RGS6: variants seen among roughly 807,000 people sequenced by gnomAD.
RGS6 encodes regulator of G protein signaling 6, also known as regulator of G-protein signaling 6.
RGS6 carries 30 observed loss-of-function variants against 78.5 expected under a neutral mutation model. The ratio of observed to expected loss-of-function variants is 0.38; its 90% CI spans 0.29 to 0.52. The LOEUF is 0.52. RGS6 is among the 20% of genes least tolerant of loss of function. The probability of loss-of-function intolerance (pLI) is 0.85; values close to 1 mark genes in which losing one functional copy is unlikely to be tolerated. For synonymous variants in RGS6, 206 were observed against 206.0 expected (o/e 1.00, Z 0.00); for missense variants, 495 against 609.7 (o/e 0.81, Z 1.98).
chr14:72,358,851 T>C (rs1211913791), intron 3 of RGS6, among the ~76,000 whole-genome samples: 1 of 152,140 alleles, frequency 6.6e-6, no homozygotes, highest in Non-Finnish European at 1.5e-5. Context: ...GGGGCTGGGG[T>C]AGAATGATAT....
chr14:72,593,438 T>C, the RGS6 span, among the ~76,000 whole-genome samples: 1 of 152,132 alleles, frequency 6.6e-6, no homozygotes, highest in Non-Finnish European at 1.5e-5. Flanking sequence ...CAGGCTGGAG[T>C]ACAGCAGTGC....
chr14:72,177,249 G>A (rs1173147460), intron 2 of RGS6, among the ~76,000 whole-genome samples: 4 of 152,028 alleles, frequency 2.6e-5, no homozygotes, highest in African/African-American at 4.8e-5. Flanking sequence ...GATAAGATTC[G>A]AATTATAGGT....
chr14:72,208,750 CATA>C (rs1432576904), intron 2 of RGS6, among the ~76,000 whole-genome samples: 2 of 152,108 alleles, frequency 1.3e-5, no homozygotes, highest in East Asian at 3.9e-4. Context: ...ATCAGCAAGG[CATA>C]ATAGGATGGG....
At chr14:71,920,570 T>C in the RGS6 span, among the ~76,000 whole-genome samples, 2 of 152,302 alleles carry the variant, frequency 1.3e-5, no homozygotes, top group African/African-American at 4.8e-5. Context: ...AAAAAACACT[T>C]AGAGTTAATT....
chr14:72,089,738 A>T (rs150688134), intron 2 of RGS6, among the ~76,000 whole-genome samples: 320 of 152,386 alleles, frequency 2.1e-3, no homozygotes, highest in African/African-American at 7.4e-3. Flanking sequence ...CATGGCATAA[A>T]GCAGAATGAA....
chr14:72,530,612 AC>A (rs1215090244), intron 15 of RGS6, among the ~76,000 whole-genome samples: 6 of 151,974 alleles, frequency 3.9e-5, no homozygotes, highest in African/African-American at 7.3e-5. Context: ...GATTGCTTGA[AC>A]CCGTGAGGTG....
intron 3 of RGS6, among the ~76,000 whole-genome samples, chr14:72,408,452 A>T (rs1234373507): frequency 6.6e-6 from 1 of 152,202 alleles, no homozygotes; most frequent in Non-Finnish European, 1.5e-5. Context: ...TAGGTAACCA[A>T]GACTTCATCT....
chr14:72,338,273 C>G (rs954466866), intron 2 of RGS6, among the ~76,000 whole-genome samples: 1 of 152,178 alleles, frequency 6.6e-6, no homozygotes, highest in Non-Finnish European at 1.5e-5. Flanking sequence ...ACTCACGGTT[C>G]CACGTGGTTG....
At chr14:72,508,044 C>A (rs1047289654) in intron 13 of RGS6, among the ~76,000 whole-genome samples, 1 of 152,188 alleles carries the variant, frequency 6.6e-6, no homozygotes, top group South Asian at 2.1e-4. Context: ...GATTTGTCTT[C>A]ATGTCTTGTT....
chr14:72,167,520 C>T (rs549592457), intron 2 of RGS6, among the ~76,000 whole-genome samples: 136 of 152,294 alleles, frequency 8.9e-4, no homozygotes, highest in Admixed American at 1.6e-3. Flanking sequence ...ACTCTTTCCT[C>T]CATACCATCT....
At chr14:72,264,027 A>G (rs1338531545) in intron 2 of RGS6, among the ~76,000 whole-genome samples, 1 of 152,206 alleles carries the variant, frequency 6.6e-6, no homozygotes, top group Non-Finnish European at 1.5e-5. Flanking sequence ...CCAGAAATCC[A>G]TCTCATTAAC....
intron 3 of RGS6, among the ~76,000 whole-genome samples, chr14:72,388,326 A>C (rs932228994): frequency 6.6e-6 from 1 of 152,292 alleles, no homozygotes; most frequent in East Asian, 1.9e-4. Flanking sequence ...ATCATCTGTG[A>C]CCCAAATATG....
the RGS6 span, among the ~76,000 whole-genome samples, chr14:71,915,757 C>A: frequency 2.0e-5 from 3 of 152,162 alleles, no homozygotes; most frequent in Non-Finnish European, 4.4e-5. Context: ...GAAGCTTGAA[C>A]CCCTAGTACC....
chr14:72,197,186 C>G (rs374036591), intron 2 of RGS6, among the ~76,000 whole-genome samples: 1 of 152,204 alleles, frequency 6.6e-6, no homozygotes, highest in African/African-American at 2.4e-5. Context: ...CTGCCTCAGT[C>G]TCCTGAGTAG....
At chr14:72,335,687 A>G (rs2075896618) in intron 2 of RGS6, among the ~76,000 whole-genome samples, 1 of 152,168 alleles carries the variant, frequency 6.6e-6, no homozygotes, top group African/African-American at 2.4e-5. Context: ...GAAGAAGAAG[A>G]ATTGTCTTGG....
At chr14:72,237,713 C>T (rs1347957661) in intron 2 of RGS6, among the ~76,000 whole-genome samples, 1 of 152,126 alleles carries the variant, frequency 6.6e-6, no homozygotes, top group Non-Finnish European at 1.5e-5. Flanking sequence ...TATTTGACTG[C>T]CACCATGCTC....
intron 2 of RGS6, among the ~76,000 whole-genome samples, chr14:72,303,098 A>C (rs2066472689): frequency 6.6e-6 from 1 of 152,162 alleles, no homozygotes; most frequent in Non-Finnish European, 1.5e-5. Context: ...ATGAGAACAG[A>C]CTAATACAAG....
chr14:72,330,421 G>A (rs548653825), intron 2 of RGS6, among the ~76,000 whole-genome samples: 70 of 152,272 alleles, frequency 4.6e-4, no homozygotes, highest in African/African-American at 1.6e-3. Context: ...AAATGGAGAA[G>A]AAGTTCTCGA....
chr14:72,469,606 C>G (rs1191832788), intron 7 of RGS6: 2 of 157,938 alleles, frequency 1.3e-5, no homozygotes, highest in African/African-American at 2.4e-5. Flanking sequence ...GAAGAGGAGT[C>G]CTGAGAAATC....
Sources: gnomAD v4.1 joint callset for allele counts (sites outside exome capture counted in the v4.1 genomes callset) on GRCh38, gnomAD v4.1.1 for gene constraint, MANE v1.5 for transcripts, NCBI Gene and HGNC (gene_info 2026-07-23, HGNC 2026-07-21) for gene names.